Variants in PSG4 observed in about 807,000 individuals in gnomAD.
The protein encoded by PSG4 is pregnancy-specific beta-1-glycoprotein 4.
A neutral mutation model predicts 44.3 loss-of-function variants in PSG4; 61 were observed. That is an observed-to-expected ratio of 1.38 (90% CI 1.12 to 1.70). The LOEUF (loss-of-function observed/expected upper bound fraction) is 1.70, where lower values mean the gene tolerates loss of function less well. Ranked by LOEUF, PSG4 falls within the 40% of genes most tolerant of loss-of-function variation. PSG4 has a pLI of 0.00. For missense variants in PSG4, 677 were observed against 511.7 expected (o/e 1.32, Z -3.12); for synonymous variants, 248 against 191.3 (o/e 1.30, Z -2.45).
At chr19:43,204,694 T>TCCCCA (rs558525472) in intron 1 of PSG4, 4 of 151,846 alleles carry the variant, frequency 2.6e-5, no homozygotes, top group Non-Finnish European at 4.5e-5. Flanking sequence ...ATGTCTGTCT[T>TCCCCA]CCCCCCACGA....
Position 43,195,350 on chromosome 19 carries a change from G to C in PSG4, c.710-77C>G, listed in dbSNP as rs1599767479. The stretch of plus-strand genomic sequence containing the variant: ...CACAGGCATACTTCAATCAGAGTTG[G>C]CATCTCCCACCTCTCAGCCCACCCG... On this transcript the variant is annotated intron_variant, in intron 3 of 5. Coordinates refer to ENST00000405312, the MANE Select transcript of PSG4 (RefSeq NM_002780.5). 1.9e-5 allele frequency: 30 copies of C among 1,566,940 alleles called. No individual in the cohort carries two copies. In the East Asian group the frequency reaches 3.6e-4, roughly 19 times the overall value.
At chr19:43,202,220 G>C (rs1157558509) in intron 2 of PSG4, among the ~76,000 whole-genome samples, 13 of 145,580 alleles carry the variant, frequency 8.9e-5, no homozygotes, top group Middle Eastern at 3.5e-3. Flanking sequence ...ACACAGAGAA[G>C]AAGAGAGAGG....
intron 2 of PSG4, among the ~76,000 whole-genome samples, chr19:43,199,263 A>G (rs1260086948): frequency 4.1e-5 from 6 of 145,026 alleles, no homozygotes; most frequent in Non-Finnish European, 7.5e-5. Context: ...TGTACCTCAT[A>G]TAAGTGGATT....
In PSG4 at chr19:43,194,523, A is replaced by G. The variant is rs200486737; in HGVS notation, c.1060T>C (p.Cys354Arg). 4 of 1,612,630 alleles carry G rather than the reference A, an allele frequency of 2.5e-6. No homozygotes were observed. The Admixed American group carries it at 6.7e-5, about 27-fold the overall frequency. Residue 354 changes from cysteine (C) to arginine (R), a missense_variant, in exon 5 of 6, where the codon TGC becomes CGC. Coordinates refer to ENST00000405312, the MANE Select transcript of PSG4 (RefSeq NM_002780.5). The part of the protein sequence containing the change: ...YRSGENLYLS[C>R]FAESNPRAQY... ...GCCCGTGGGTTAGACTCGGCGAAGC[A>G]GGACAAGTAGAGGTTTTCTCCTGAA...
Position 43,203,933 on chromosome 19 carries a change from C to T in PSG4, c.383G>A (p.Arg128His), listed in dbSNP as rs765839412. Residue 128 changes from arginine (R) to histidine (H), a missense_variant, in exon 2 of 6, where the codon CGC becomes CAC. Transcript: ENST00000405312. ...TCCAGTTACTCCTCCAGTCCCATCG[C>T]GTCGCTTTATGATGTGTAAGGTGTA... The part of the protein sequence containing the change: ...GSYTLHIIKR[R>H]DGTGGVTGHF... 22 of 1,585,560 alleles carry T rather than the reference C, an allele frequency of 1.4e-5. 2 individuals carry two copies. The highest frequency in any genetic ancestry group is 5.3e-5 in the East Asian group (2 of 37,558).
At position 43,204,014 on chromosome 19, in the gene PSG4, A is replaced by G. The variant is rs139282665; in HGVS notation, c.302T>C (p.Val101Ala). ...YGPAYSGRERVYSNASLLIQN... is the reference protein window; with the variant it reads ...YGPAYSGRERAYSNASLLIQN... ...GATCAGCAGGGATGCATTGGAATAT[A>G]CTCTTTCTCTTCCACTGTATGCAGG... Residue 101 changes from valine to alanine, a missense_variant, in exon 2 of 6, where the codon GTA becomes GCA. Transcript: ENST00000405312. The G allele has an allele frequency of 1.6e-4, 259 of 1,586,972 alleles. 22 individuals are homozygous for G. Among genetic ancestry groups the G allele is most frequent in the Non-Finnish European group, 2.0e-4 (240 of 1,171,516 alleles).
At chr19:43,200,344 G>T (rs1967447954) in intron 2 of PSG4, among the ~76,000 whole-genome samples, 1 of 139,870 alleles carries the variant, frequency 7.1e-6, no homozygotes, top group Non-Finnish European at 1.5e-5. Flanking sequence ...CCCATTATGT[G>T]TATGTTACAG....
At position 43,197,804 on chromosome 19, in the gene PSG4, C is replaced by A. The variant is rs372926595; in HGVS notation, c.709+193G>T. On this transcript the variant is annotated intron_variant, in intron 3 of 5. Coordinates refer to ENST00000405312, the MANE Select transcript of PSG4 (RefSeq NM_002780.5). Reference sequence around the variant, plus strand: ...GAACCTGAGTCTCCCATGACAGGAGCAGCCTCTTTTCTCCTATTGTGGATC... The same window carrying A: ...GAACCTGAGTCTCCCATGACAGGAGAAGCCTCTTTTCTCCTATTGTGGATC... 25 of 1,159,580 alleles carry A rather than the reference C, an allele frequency of 2.2e-5. 1 individual carries two copies. The highest frequency in any genetic ancestry group is 2.9e-5 in the Non-Finnish European group (25 of 852,312). The allele number at this position is 1,159,580 out of a possible 1,614,324, so 71.8% of individuals were successfully genotyped here.
At position 43,203,223 on chromosome 19, in the gene PSG4, G is replaced by A. The variant is rs1967600675; in HGVS notation, c.430+663C>T. On this transcript the variant is annotated intron_variant, in intron 2 of 5. Coordinates refer to ENST00000405312, the MANE Select transcript of PSG4 (RefSeq NM_002780.5). ...TTCTCCTTCTGTTTCTGCTTCTGGG[G>A]ACATTAGACTTTCTATGGACTCTCC... 1.4e-5 allele frequency: 2 copies of A among 146,284 alleles called. 1 individual carries two copies. Among genetic ancestry groups the A allele is most frequent in the Non-Finnish European group, 2.9e-5 (2 of 67,822 alleles). The allele number at this position is 146,284 out of a possible 1,614,324, so 9.1% of individuals were successfully genotyped here.
chr19:43,194,965 C>T (rs1395287860), intron 4 of PSG4, 30 bp downstream of exon 4: 2 of 1,605,490 alleles, frequency 1.2e-6, no homozygotes, highest in South Asian at 2.2e-5. Flanking sequence ...AGCTGGTGTC[C>T]TGGCCCACAG....
At position 43,203,613 on chromosome 19, in the gene PSG4, G is replaced by T. The variant is rs975100721; in HGVS notation, c.430+273C>A. The T allele has an allele frequency of 8.0e-6, 4 of 499,902 alleles. 1 individual carries two copies. Among genetic ancestry groups the T allele is most frequent in the African/African-American group, 6.4e-5 (3 of 46,576 alleles). The allele number at this position is 499,902 out of a possible 1,614,324, so 31.0% of individuals were successfully genotyped here. On this transcript the variant is annotated intron_variant, in intron 2 of 5. Transcript: ENST00000405312. ...CGTCAAATTTATGAAGAGGGCATGA[G>T]GTGCTTGTCTGAGACTGATCTCCTC...
At chr19:43,196,190 A>G (rs1004828902) in intron 3 of PSG4, among the ~76,000 whole-genome samples, 6 of 151,736 alleles carry the variant, frequency 4.0e-5, no homozygotes, top group Admixed American at 2.6e-4. Flanking sequence ...TTTGGAGAGA[A>G]GTTTTGCAAA....
chr19:43,193,469 A>G, intron 5 of PSG4, 81 bp from the exon 6 acceptor site: 1 of 761,752 alleles, frequency 1.3e-6, no homozygotes, highest in Non-Finnish European at 2.4e-6. Context: ...TTTATTTTCC[A>G]CATAATTTTT....
Position 43,205,111 on chromosome 19 carries a change from C to CTTTTTTT in PSG4, c.64+355_64+361dup, listed in dbSNP as rs59165427. Among the ~76,000 whole-genome samples, 4 of 90,852 alleles carry CTTTTTTT rather than the reference C, an allele frequency of 4.4e-5. 2 individuals are homozygous for CTTTTTTT. Among genetic ancestry groups the CTTTTTTT allele is most frequent in the East Asian group, 1.3e-3 (2 of 1,536 alleles). 59.6% of individuals were successfully genotyped at this position (90,852 alleles called of 152,430 possible). A position where few individuals can be genotyped will look rare whatever the true frequency, so the allele number is the denominator to read the frequency against. On this transcript the variant is annotated intron_variant, in intron 1 of 5. Transcript: ENST00000405312. ...TTCTTTTTTCTTTTTTTCCTTTTTT[C>CTTTTTTT]TTTTTTTTTTTTTTGAGACGGAGTC...
chr19:43,192,890 G>A lies in PSG4; in HGVS notation c.*482C>T, dbSNP rs187213116. The A allele has an allele frequency of 1.3e-3, 412 of 325,860 alleles. 6 individuals are homozygous for A. The highest frequency in any genetic ancestry group is 2.0e-3 in the Non-Finnish European group (346 of 176,114). The allele number at this position is 325,860 out of a possible 1,614,324, so 20.2% of individuals were successfully genotyped here. On this transcript the variant is annotated 3_prime_UTR_variant, in exon 6 of 6. Coordinates refer to ENST00000405312, the MANE Select transcript of PSG4 (RefSeq NM_002780.5). The stretch of plus-strand genomic sequence containing the variant: ...GCAAACACACAGGCAATATCTCTGT[G>A]TTCATTTCTATTGGGAGCCCTGTAT...
rs774755506 is a variant in PSG4, at chr19:43,205,472, C to T, written c.64+1G>A. 2 of 1,544,066 alleles carry T rather than the reference C, an allele frequency of 1.3e-6. No individual in the cohort carries two copies. Among genetic ancestry groups the T allele is most frequent in the South Asian group, 2.2e-5 (2 of 89,134 alleles). On this transcript the variant is annotated splice_donor_variant, in intron 1 of 5. Transcript: ENST00000405312. LOFTEE classifies it high-confidence loss of function. Reference sequence around the variant, plus strand: ...CCTCTCCCAGGAAGTTCTCTCCTCACCTGTGAGCAGGACCCCCTTCCAGGT... The same window carrying T: ...CCTCTCCCAGGAAGTTCTCTCCTCATCTGTGAGCAGGACCCCCTTCCAGGT...
In PSG4 at chr19:43,195,099, A is replaced by G. The variant is rs1447203652; in HGVS notation, c.884T>C (p.Leu295Pro). The G allele has an allele frequency of 3.1e-6, 5 of 1,610,976 alleles. No homozygotes were observed. Among genetic ancestry groups the G allele is most frequent in the Non-Finnish European group, 4.2e-6 (5 of 1,179,060 alleles). Reference sequence around the variant, plus strand: ...ATTTCTCGTGACATTGGGTAGAATGAGGATCCTGTTTTCAATGGGTCGCTT... The same window carrying G: ...ATTTCTCGTGACATTGGGTAGAATGGGGATCCTGTTTTCAATGGGTCGCTT... Reference protein sequence around the residue: ...RVKRPIENRILILPNVTRNET... With the variant: ...RVKRPIENRIPILPNVTRNET... Residue 295 changes from leucine to proline, a missense_variant, in exon 4 of 6, where the codon CTC (leucine) becomes CCC (proline). Transcript: ENST00000405312.
Position 43,193,017 on chromosome 19 carries a change from T to C in PSG4, c.*355A>G. 3.6e-6 allele frequency: 2 copies of C among 555,400 alleles called. No individual in the cohort carries two copies. Among genetic ancestry groups the C allele is most frequent in the Non-Finnish European group, 6.4e-6 (2 of 311,650 alleles). The allele number at this position is 555,400 out of a possible 1,614,324, so 34.4% of individuals were successfully genotyped here. A position where few individuals can be genotyped will look rare whatever the true frequency, so the allele number is the denominator to read the frequency against. On this transcript the variant is annotated 3_prime_UTR_variant, in exon 6 of 6. Transcript: ENST00000405312. The stretch of plus-strand genomic sequence containing the variant: ...GTTGTTACCCTCAGAAGCTACTACA[T>C]GTGAAATTCTAATGACTGCATTATC...
In PSG4 at chr19:43,204,015, C is replaced by G. The variant is rs764324940; in HGVS notation, c.301G>C (p.Val101Leu). ...ATCAGCAGGGATGCATTGGAATATA[C>G]TCTTTCTCTTCCACTGTATGCAGGC... ...YGPAYSGRER[V>L]YSNASLLIQN... The change falls in exon 2 of 6, where the codon GTA (valine) becomes CTA (leucine). Residue 101 changes from valine to leucine, a missense_variant. Transcript: ENST00000405312. The G allele has an allele frequency of 2.5e-6, 4 of 1,587,938 alleles. No individual in the cohort carries two copies. The highest frequency in any genetic ancestry group is 2.7e-5 in the East Asian group (1 of 37,594).
Sources: gnomAD v4.1 joint callset for allele counts (sites outside exome capture counted in the v4.1 genomes callset) on GRCh38, gnomAD v4.1.1 for gene constraint, MANE v1.5 for transcripts, NCBI Gene and HGNC (gene_info 2026-07-23, HGNC 2026-07-21) for gene names.